Variants in TNRC18 observed in about 807,000 individuals in gnomAD.
The protein encoded by TNRC18 is trinucleotide repeat containing 18.
In TNRC18, 69 loss-of-function variants were observed where a neutral mutation model predicts 226.7. The observed-to-expected ratio is 0.30, with a 90% CI of 0.25 to 0.37. The LOEUF is 0.37. Among genes scored for constraint, TNRC18 ranks in the 10% least tolerant of loss-of-function variants. The pLI is 1.00. For synonymous variants in TNRC18, 2,449 were observed against 1,927.6 expected (o/e 1.27, Z -7.09); for missense variants, 4,754 against 4,256.6 (o/e 1.12, Z -3.25).
chr7:5,323,313 G>T (rs56178001), intron 21 of TNRC18, among the ~76,000 whole-genome samples: 2 of 150,144 alleles, frequency 1.3e-5, no homozygotes, highest in African/African-American at 2.5e-5. Context: ...TCCCTGACCC[G>T]GGTCTCAGGG....
At chr7:5,323,113 C>T (rs1788542194) in intron 21 of TNRC18, among the ~76,000 whole-genome samples, 2 of 152,296 alleles carry the variant, frequency 1.3e-5, no homozygotes, top group Middle Eastern at 3.4e-3. Context: ...CCCTACATGC[C>T]CCTGAGACGC....
intron 19 of TNRC18, among the ~76,000 whole-genome samples, chr7:5,327,106 G>C (rs1042128280): frequency 2.6e-5 from 4 of 152,232 alleles, no homozygotes; most frequent in Admixed American, 2.0e-4. Context: ...CTGGGCGACA[G>C]AGTGAGACTC....
At position 5,388,117 on chromosome 7, in the gene TNRC18, G is replaced by C; in HGVS notation, c.1707C>G (p.Val569=). 6.4e-7 allele frequency: 1 copy of C among 1,553,744 alleles called. No homozygotes were observed. The highest frequency in any genetic ancestry group is 8.7e-7 in the Non-Finnish European group (1 of 1,149,640). Residue 569 remains valine (V), a synonymous_variant, in exon 5 of 30, where the codon GTC becomes GTG. Transcript: ENST00000430969. ...PRSAATCGRP[V]ADMHSAAHGS... ...CGTGGGCCGCAGAGTGCATGTCAGC[G>C]ACCGGCCGGCCGCAGGTGGCCGCCG...
chr7:5,356,823 T>TGGGGGGGGGGGGGGGGGGGG (rs1562539001), intron 16 of TNRC18, 93 bp downstream of exon 16: 1 of 1,260,924 alleles, frequency 7.9e-7, no homozygotes, highest in African/African-American at 2.8e-5. Flanking sequence ...AGAGAGAGAG[T>TGGGGGGGGGGGGGGGGGGGG]GAGGGGCGGG....
At position 5,313,370 on chromosome 7, in the gene TNRC18, C is replaced by T. The variant is rs770547271; in HGVS notation, c.7521G>A (p.Ala2507=). The T allele has an allele frequency of 1.1e-5, 18 of 1,578,504 alleles. No homozygotes were observed. The highest frequency in any genetic ancestry group is 2.3e-5 in the South Asian group (2 of 86,888). ...SLLSLGSYPP[A]AGSSEPKAPW... ...GTGCCTTGGGCTCGCTGCTGCCGGC[C>T]GCGGGGGGATAGCTGCCCAGGCTCA... Residue 2507 remains alanine (A), a synonymous_variant, in exon 27 of 30, where the codon GCG becomes GCA. Transcript: ENST00000430969.
chr7:5,336,158 G>C (rs1790096258), intron 18 of TNRC18, among the ~76,000 whole-genome samples: 1 of 149,454 alleles, frequency 6.7e-6, no homozygotes, highest in Non-Finnish European at 1.5e-5. Context: ...CATGAGCAGA[G>C]ATCACACCAC....
chr7:5,345,517 G>GGGGGGGGGGGGCCCCCCACCCCCCCC, intron 18 of TNRC18, 45 bp downstream of exon 18: 1 of 377,744 alleles, frequency 2.6e-6, no homozygotes, highest in Non-Finnish European at 4.8e-6. Context: ...AATGGCGTCC[G>GGGGGGGGGGGGCCCCCCACCCCCCCC]CCCCTCCCAC....
At chr7:5,351,796 A>G in intron 17 of TNRC18, 23 bp downstream of exon 17, 1 of 1,555,702 alleles carries the variant, frequency 6.4e-7, no homozygotes, top group Non-Finnish European at 8.7e-7. Context: ...CACGGAAGGT[A>G]TTTTGTGTTT....
chr7:5,373,775 G>C (rs949980069), intron 10 of TNRC18, among the ~76,000 whole-genome samples: 1 of 152,154 alleles, frequency 6.6e-6, no homozygotes, highest in Non-Finnish European at 1.5e-5. Context: ...GCGTGTGACA[G>C]GTCTGGCTCG....
At chr7:5,399,306 C>A (rs1187456673) in intron 2 of TNRC18, among the ~76,000 whole-genome samples, 1 of 152,158 alleles carries the variant, frequency 6.6e-6, no homozygotes, top group African/African-American at 2.4e-5. Flanking sequence ...TGCCTCTCGC[C>A]CTAGGCTGAG....
chr7:5,420,137 T>A (rs1422657019), intron 2 of TNRC18: 16 of 326,086 alleles, frequency 4.9e-5, no homozygotes, highest in Non-Finnish European at 8.4e-5. Flanking sequence ...GGCCGCGGAC[T>A]GACTGGAGGG....
chr7:5,325,183 G>T lies in TNRC18; in HGVS notation c.6213C>A (p.Pro2071=). 1 of 1,553,892 alleles carries T rather than the reference G, an allele frequency of 6.4e-7. No homozygotes were observed. Among genetic ancestry groups the T allele is most frequent in the East Asian group, 2.4e-5 (1 of 41,416 alleles). ...TGGCGTGAGGAGCCCTGGCCTCAGA[G>T]GGCAAGGCAGGAGCTCGGGGCGGCG... is the stretch of plus-strand genomic sequence containing the variant. ...GLPPPRAPAL[P]SEARAPHASS... Residue 2071 remains proline, a synonymous_variant, in exon 20 of 30, where the codon CCC becomes CCA. Coordinates refer to ENST00000430969, the MANE Select transcript of TNRC18 (RefSeq NM_001080495.3).
chr7:5,345,517 G>GGGGGGGGCCCCCCCCCCCCCC lies in TNRC18; in HGVS notation c.5719+44_5719+45insGGGGGGGGGGGGGGCCCCCCC. 1.1e-5 allele frequency: 4 copies of GGGGGGGGCCCCCCCCCCCCCC among 377,738 alleles called. 1 individual carries two copies. The highest frequency in any genetic ancestry group is 4.6e-5 in the East Asian group (1 of 21,900). The allele number at this position is 377,738 out of a possible 1,614,324, so 23.4% of individuals were successfully genotyped here. On this transcript the variant is annotated intron_variant, in intron 18 of 29. Transcript: ENST00000430969. ...CCTGTGGGATGGGGCAATGGCGTCCGCCCCTCCCACCCACCCCCACCGCAG... is the reference window on the plus strand; with the variant it reads ...CCTGTGGGATGGGGCAATGGCGTCCGGGGGGGGCCCCCCCCCCCCCCCCCCTCCCACCCACCCCCACCGCAG...
chr7:5,311,337 G>A (rs962808375), intron 27 of TNRC18, among the ~76,000 whole-genome samples: 9 of 152,250 alleles, frequency 5.9e-5, no homozygotes, highest in Admixed American at 3.3e-4. Flanking sequence ...ACGGGACCCC[G>A]ACCTGGCCAG....
At position 5,345,665 on chromosome 7, in the gene TNRC18, G is replaced by C; in HGVS notation, c.5616C>G (p.Ala1872=). Residue 1872 remains alanine (A), a synonymous_variant, in exon 18 of 30, where the codon GCC becomes GCG. Coordinates refer to ENST00000430969, the MANE Select transcript of TNRC18 (RefSeq NM_001080495.3). The stretch of plus-strand genomic sequence containing the variant: ...CCGTGGGGCTGGGGAGGGCGCTGGC[G>C]GCGAAGCGTGCCAGCAGGCCCAGCC... ...ESGLGLLARF[A]ASALPSPTVG... The C allele has an allele frequency of 6.4e-7, 1 of 1,552,150 alleles. No individual in the cohort carries two copies. The highest frequency in any genetic ancestry group is 8.7e-7 in the Non-Finnish European group (1 of 1,148,078).
chr7:5,394,469 A>G lies in TNRC18; in HGVS notation c.314T>C (p.Val105Ala). The G allele has an allele frequency of 6.4e-7, 1 of 1,556,896 alleles. No homozygotes were observed. The highest frequency in any genetic ancestry group is 8.7e-7 in the Non-Finnish European group (1 of 1,151,586). ...RSPTPSNLPM[V>A]QLWAAHAHEG... ...ATGGGCGTGGGCGGCCCACAGCTGCACCATGGGCAGGTTGCTAGGGGTTGG... is the reference window on the plus strand; with the variant it reads ...ATGGGCGTGGGCGGCCCACAGCTGCGCCATGGGCAGGTTGCTAGGGGTTGG... Residue 105 changes from valine to alanine, a missense_variant, in exon 3 of 30, where the codon GTG becomes GCG. Val to Ala is a moderately conservative substitution (Grantham distance 64, BLOSUM62 0). Coordinates refer to ENST00000430969, the MANE Select transcript of TNRC18 (RefSeq NM_001080495.3). This position sits in a 1 kb window ranked among gnomAD's most constrained non-coding sequence, Gnocchi z 4.5.
intron 2 of TNRC18, among the ~76,000 whole-genome samples, chr7:5,410,918 G>C (rs1486120748): frequency 2.8e-5 from 4 of 143,932 alleles, no homozygotes; most frequent in African/African-American, 5.2e-5. Flanking sequence ...AGAAAAGAAA[G>C]GAGAAGGCTG....
At chr7:5,361,564 G>A (rs2128160694) in intron 14 of TNRC18, 30 bp downstream of exon 14, 1 of 1,482,128 alleles carries the variant, frequency 6.7e-7, no homozygotes, top group East Asian at 2.6e-5. Context: ...CTGTGTGCCA[G>A]TCCCCGACCC....
intron 19 of TNRC18, among the ~76,000 whole-genome samples, chr7:5,326,804 G>A (rs1400219842): frequency 6.0e-5 from 9 of 149,762 alleles, no homozygotes; most frequent in East Asian, 2.0e-4. Flanking sequence ...GCAAAACTCC[G>A]TCTCAAAAAT....
Sources: allele counts gnomAD v4.1 joint callset (sites outside exome capture counted in the v4.1 genomes callset), GRCh38; gene constraint gnomAD v4.1.1; non-coding constraint Gnocchi (gnomAD v3.1); transcripts MANE v1.5; gene names NCBI Gene and HGNC (gene_info 2026-07-23, HGNC 2026-07-21).